Variants in LRRC7 observed in about 807,000 individuals in gnomAD.
The protein encoded by LRRC7 is leucine-rich repeat-containing protein 7.
Under a neutral mutation model 175.7 loss-of-function variants are expected in LRRC7, and 23 were observed. The observed-to-expected ratio is 0.13, with a 90% confidence interval of 0.09 to 0.19. The LOEUF is 0.19. Among genes scored for constraint, LRRC7 ranks in the 10% least tolerant of loss-of-function variants. The pLI is 1.00. For synonymous variants in LRRC7, 685 were observed against 680.9 expected (o/e 1.01, Z -0.09); for missense variants, 1,354 against 1,904.7 (o/e 0.71, Z 5.38).
chr1:69,614,113 TTTTCA>T (rs1372541226), intron 1 of LRRC7, among the ~76,000 whole-genome samples: 4 of 152,062 alleles, frequency 2.6e-5, no homozygotes, highest in East Asian at 3.9e-4. Flanking sequence ...ATCTGCCTAC[TTTTCA>T]TTTCATGTTC....
chr1:70,032,949 T>C (rs1363887093), intron 18 of LRRC7, among the ~76,000 whole-genome samples: 1 of 152,222 alleles, frequency 6.6e-6, no homozygotes, highest in Non-Finnish European at 1.5e-5. Context: ...AAATTCTGTT[T>C]TCTACCAAAA....
chr1:70,087,523 G>C (rs891039633), intron 24 of LRRC7, among the ~76,000 whole-genome samples: 7 of 151,988 alleles, frequency 4.6e-5, no homozygotes. Flanking sequence ...AGATCAACTA[G>C]CACACTGAAT....
intron 22 of LRRC7, among the ~76,000 whole-genome samples, chr1:70,047,692 T>C (rs372728996): frequency 5.9e-5 from 9 of 152,164 alleles, no homozygotes; most frequent in African/African-American, 1.4e-4. Flanking sequence ...AGATCAAGTA[T>C]GGTATATTTT....
At chr1:69,881,719 A>AC (rs1686617891) in intron 7 of LRRC7, among the ~76,000 whole-genome samples, 1 of 101,148 alleles carries the variant, frequency 9.9e-6, no homozygotes, top group Non-Finnish European at 2.1e-5. Context: ...CTCTACAAAA[A>AC]AAAAAACAAA....
In LRRC7 at chr1:70,138,542, C is replaced by A; in HGVS notation, c.*16655C>A. 6.6e-6 allele frequency: 1 copy of A among 152,184 alleles called. No individual in the cohort carries two copies. Among genetic ancestry groups the A allele is most frequent in the Non-Finnish European group, 1.5e-5 (1 of 68,036 alleles). 9.4% of individuals were successfully genotyped at this position (152,184 alleles called of 1,614,324 possible). On this transcript the variant is annotated 3_prime_UTR_variant, in exon 27 of 27. Transcript: ENST00000651989. The stretch of plus-strand genomic sequence containing the variant: ...ACTACAGAAGTTATGTCTATTAACT[C>A]TTTAAGGTACATGATATAGCAAATA...
At chr1:69,600,588 A>C (rs951273706) in intron 1 of LRRC7, among the ~76,000 whole-genome samples, 5 of 152,096 alleles carry the variant, frequency 3.3e-5, no homozygotes, top group African/African-American at 1.2e-4. Flanking sequence ...TTATAATCCA[A>C]TACTACTTTG....
rs1357351609 is a variant in LRRC7 at position 70,124,622 on chromosome 1, A to T, written c.*2735A>T. Among the ~76,000 whole-genome samples, 1 of 152,144 alleles carries T rather than the reference A, an allele frequency of 6.6e-6. No individual in the cohort carries two copies. The highest frequency in any genetic ancestry group is 1.5e-5 in the Non-Finnish European group (1 of 68,022). Reference sequence around the variant, plus strand: ...TAAACACTTGAGGGGTATAAACCTCACTAATTCTATAGGTGATGAAAACCA... The same window carrying T: ...TAAACACTTGAGGGGTATAAACCTCTCTAATTCTATAGGTGATGAAAACCA... On this transcript the variant is annotated 3_prime_UTR_variant, in exon 27 of 27. Transcript: ENST00000651989.
chr1:70,120,697 A>C (rs560590900), intron 26 of LRRC7, among the ~76,000 whole-genome samples: 1 of 152,240 alleles, frequency 6.6e-6, no homozygotes, highest in African/African-American at 2.4e-5. Context: ...GTATCAGTCC[A>C]TTGAAAATTG....
chr1:69,860,936 AC>A (rs775920364), intron 7 of LRRC7, among the ~76,000 whole-genome samples: 33 of 152,184 alleles, frequency 2.2e-4, no homozygotes, highest in Non-Finnish European at 3.7e-4. Flanking sequence ...CTTTTAATTA[AC>A]TGAAATAATC....
At chr1:69,976,073 T>A (rs1244433891) in intron 8 of LRRC7, among the ~76,000 whole-genome samples, 1 of 152,216 alleles carries the variant, frequency 6.6e-6, no homozygotes, top group Non-Finnish European at 1.5e-5. Context: ...TTTATTTTCT[T>A]CTTATTTATC....
intron 23 of LRRC7, among the ~76,000 whole-genome samples, chr1:70,064,703 G>T (rs573873824): frequency 2.0e-5 from 3 of 151,776 alleles, no homozygotes; most frequent in Admixed American, 2.0e-4. Flanking sequence ...TCATGCACTA[G>T]TCACATTTTT....
In LRRC7 at chr1:70,138,367, A is replaced by C. The variant is rs957439876; in HGVS notation, c.*16480A>C. On this transcript the variant is annotated 3_prime_UTR_variant, in exon 27 of 27. Transcript: ENST00000651989. ...CCTTTTAAAAAAGATCAGTTCTGTA[A>C]AGCATAATGCCTACTACACAGACAT... 6.6e-6 allele frequency: 1 copy of C among 152,168 alleles called. No individual in the cohort carries two copies. Among genetic ancestry groups the C allele is most frequent in the African/African-American group, 2.4e-5 (1 of 41,448 alleles). The allele number at this position is 152,168 out of a possible 1,614,324, so 9.4% of individuals were successfully genotyped here.
intron 5 of LRRC7, among the ~76,000 whole-genome samples, chr1:69,826,459 T>G (rs957057365): frequency 6.6e-6 from 1 of 152,142 alleles, no homozygotes; most frequent in Admixed American, 6.6e-5. Context: ...TATGGAGTAG[T>G]GACAGAAGTC....
At chr1:69,811,444 C>T (rs1050705383) in intron 4 of LRRC7, among the ~76,000 whole-genome samples, 22 of 152,218 alleles carry the variant, frequency 1.4e-4, no homozygotes, top group African/African-American at 5.1e-4. Flanking sequence ...GATTATAAAT[C>T]ATTCTAATAT....
intron 1 of LRRC7, among the ~76,000 whole-genome samples, chr1:69,616,599 G>C (rs1227510439): frequency 1.3e-5 from 2 of 151,994 alleles, no homozygotes; most frequent in African/African-American, 2.4e-5. Flanking sequence ...TGGACTTTAT[G>C]ATGAGGAAAG....
chr1:69,575,774 G>A (rs892205706), intron 1 of LRRC7, among the ~76,000 whole-genome samples: 6 of 151,756 alleles, frequency 4.0e-5, no homozygotes, highest in African/African-American at 1.5e-4. Flanking sequence ...TTTTATTAGG[G>A]GTCAACCAAT....
chr1:70,109,284 A>T (rs1665360277), intron 26 of LRRC7, among the ~76,000 whole-genome samples: 1 of 152,132 alleles, frequency 6.6e-6, no homozygotes, highest in Admixed American at 6.5e-5. Context: ...GGCCTCCCAA[A>T]GTGCTGGGAT....
At chr1:69,951,380 C>G (rs1358121131) in intron 8 of LRRC7, among the ~76,000 whole-genome samples, 1 of 152,000 alleles carries the variant, frequency 6.6e-6, no homozygotes, top group Non-Finnish European at 1.5e-5. Flanking sequence ...AGCAGTATCA[C>G]AAGTCCTCAA....
intron 2 of LRRC7, among the ~76,000 whole-genome samples, chr1:69,689,591 G>C (rs1384690792): frequency 6.6e-6 from 1 of 152,082 alleles, no homozygotes; most frequent in Non-Finnish European, 1.5e-5. Context: ...CTCTAGTCAG[G>C]TGCATTCATT....
Sources: gnomAD v4.1 joint callset for allele counts (sites outside exome capture counted in the v4.1 genomes callset) on GRCh38, gnomAD v4.1.1 for gene constraint, MANE v1.5 for transcripts, NCBI Gene and HGNC (gene_info 2026-07-23, HGNC 2026-07-21) for gene names.